The following OLFM3 variants were observed in gnomAD, a reference collection of about 807,000 sequenced individuals.
OLFM3 encodes noelin-3.
A neutral mutation model predicts 48.6 loss-of-function variants in OLFM3; 20 were observed. That is an observed-to-expected ratio of 0.41 (90% CI 0.29 to 0.60). The LOEUF (loss-of-function observed/expected upper bound fraction) is 0.60, where lower values mean the gene tolerates loss of function less well. OLFM3 is among the 20% of genes least tolerant of loss of function. The pLI, the probability that OLFM3 is intolerant of heterozygous loss-of-function variation, is 0.28. For synonymous variants in OLFM3, 222 were observed against 198.1 expected, an observed-to-expected ratio of 1.12 and a Z score of -1.01; for missense variants, 437 against 544.3, an observed-to-expected ratio of 0.80 and a Z score of 1.96.
At chr1:101,848,596 T>C (rs1656104782) in intron 1 of OLFM3, among the ~76,000 whole-genome samples, 1 of 152,132 alleles carries the variant, frequency 6.6e-6, no homozygotes, top group Admixed American at 6.6e-5. Context: ...TTATTACTTT[T>C]CTATTCTTTC....
At chr1:101,883,110 A>G (rs970431756) in intron 1 of OLFM3, among the ~76,000 whole-genome samples, 2 of 151,796 alleles carry the variant, frequency 1.3e-5, no homozygotes, top group Non-Finnish European at 2.9e-5. Flanking sequence ...GGTTACTTCT[A>G]TCAGCCAATC....
chr1:101,826,325 ATTTC>A (rs955721969), intron 3 of OLFM3, among the ~76,000 whole-genome samples: 10 of 151,968 alleles, frequency 6.6e-5, no homozygotes, highest in Admixed American at 2.6e-4. Flanking sequence ...ATAAATAAAT[ATTTC>A]TTTATTTATT....
intron 1 of OLFM3, among the ~76,000 whole-genome samples, chr1:101,878,277 T>G (rs1657381055): frequency 6.6e-6 from 1 of 151,868 alleles, no homozygotes; most frequent in South Asian, 2.1e-4. Context: ...TGCTTCATTT[T>G]TGGATATTGA....
intron 4 of OLFM3, chr1:101,812,270 C>A (rs1374813675): frequency 4.2e-6 from 1 of 240,442 alleles, no homozygotes; most frequent in African/African-American, 2.3e-5. Flanking sequence ...ACCAACATGG[C>A]ACAGGTATAC....
chr1:101,859,351 G>T (rs1417571497), intron 1 of OLFM3, among the ~76,000 whole-genome samples: 1 of 152,068 alleles, frequency 6.6e-6, no homozygotes, highest in Non-Finnish European at 1.5e-5. Flanking sequence ...AGCTGAGAGA[G>T]TAGTTAGGCG....
chr1:101,953,395 G>A (rs992683724), intron 1 of OLFM3, among the ~76,000 whole-genome samples: 36 of 152,130 alleles, frequency 2.4e-4, no homozygotes, highest in Admixed American at 1.6e-3. Flanking sequence ...CACTGGCAGA[G>A]TTGAGTAGTC....
At position 101,901,154 on chromosome 1, in the gene OLFM3, C is replaced by T. The variant is rs189218926; in HGVS notation, c.70-64129G>A. Among the ~76,000 whole-genome samples, 944 of 126,680 alleles carry T rather than the reference C, an allele frequency of 7.5e-3. 5 individuals are homozygous for T. The highest frequency in any genetic ancestry group is 0.012 in the Admixed American group (170 of 14,124). The allele number at this position is 126,680 out of a possible 152,430, so 83.1% of individuals were successfully genotyped here. Reference sequence around the variant, plus strand: ...GACTACTACTGGCTAAGACCAGCACCCCTGCTGGTTTTCTAAGAAGTTTAC... The same window carrying T: ...GACTACTACTGGCTAAGACCAGCACTCCTGCTGGTTTTCTAAGAAGTTTAC... On this transcript the variant is annotated intron_variant, in intron 1 of 5. Transcript: ENST00000370103.
At chr1:101,919,676 TC>T (rs1225772318) in intron 1 of OLFM3, among the ~76,000 whole-genome samples, 1 of 152,224 alleles carries the variant, frequency 6.6e-6, no homozygotes, top group Non-Finnish European at 1.5e-5. Flanking sequence ...CTGTGTTTCT[TC>T]TACTCATCCT....
At chr1:101,894,937 C>A (rs1013386957) in intron 1 of OLFM3, among the ~76,000 whole-genome samples, 2 of 152,076 alleles carry the variant, frequency 1.3e-5, no homozygotes, top group South Asian at 4.2e-4. Context: ...TGAGAGATTT[C>A]TTTGGTTCAC....
intron 1 of OLFM3, among the ~76,000 whole-genome samples, chr1:101,985,562 C>A (rs557659251): frequency 1.3e-5 from 2 of 152,288 alleles, no homozygotes; most frequent in South Asian, 4.1e-4. Flanking sequence ...AGCTAGATAA[C>A]CATCCATCAG....
intron 1 of OLFM3, among the ~76,000 whole-genome samples, chr1:101,941,851 G>C (rs1659805462): frequency 6.6e-6 from 1 of 152,150 alleles, no homozygotes; most frequent in South Asian, 2.1e-4. Context: ...CTGTCAGAAA[G>C]AGTTATCAGA....
At chr1:101,963,926 C>T (rs1660539581) in intron 1 of OLFM3, among the ~76,000 whole-genome samples, 1 of 152,062 alleles carries the variant, frequency 6.6e-6, no homozygotes, top group African/African-American at 2.4e-5. Context: ...CCAAAGATAA[C>T]CATGTGCTAG....
At chr1:101,984,220 C>T (rs1310987510) in intron 1 of OLFM3, among the ~76,000 whole-genome samples, 4 of 47,326 alleles carry the variant, frequency 8.5e-5, no homozygotes, top group African/African-American at 2.6e-4. Context: ...GCCTGGGCAA[C>T]AAAAGGACAA....
chr1:101,928,311 T>A (rs1444148221), intron 1 of OLFM3, among the ~76,000 whole-genome samples: 3 of 152,078 alleles, frequency 2.0e-5, no homozygotes, highest in Admixed American at 2.0e-4. Context: ...ACAAAAAGTG[T>A]GTTCATTATG....
At chr1:101,990,734 C>T (rs1233115752) in intron 1 of OLFM3, among the ~76,000 whole-genome samples, 4 of 151,446 alleles carry the variant, frequency 2.6e-5, no homozygotes, top group Non-Finnish European at 4.4e-5. Context: ...GCCTGTAATC[C>T]CAGCACTTTG....
chr1:101,944,693 A>G (rs1659899829), intron 1 of OLFM3, among the ~76,000 whole-genome samples: 1 of 152,256 alleles, frequency 6.6e-6, no homozygotes, highest in South Asian at 2.1e-4. Context: ...CAGGCTGGTC[A>G]ACATGGCGAA....
At chr1:101,845,396 A>C (rs1655945838) in intron 1 of OLFM3, among the ~76,000 whole-genome samples, 1 of 152,174 alleles carries the variant, frequency 6.6e-6, no homozygotes, top group Non-Finnish European at 1.5e-5. Context: ...AATAAAAAAA[A>C]ACCAAGCCAA....
At chr1:101,855,625 T>C (rs1656383168) in intron 1 of OLFM3, among the ~76,000 whole-genome samples, 2 of 152,068 alleles carry the variant, frequency 1.3e-5, no homozygotes, top group African/African-American at 4.8e-5. Context: ...CTTATTGAGT[T>C]TATCTTTGAA....
chr1:101,939,299 A>G (rs140685635), intron 1 of OLFM3, among the ~76,000 whole-genome samples: 1 of 152,316 alleles, frequency 6.6e-6, no homozygotes, highest in East Asian at 1.9e-4. Flanking sequence ...ATGTGTAGGA[A>G]AGTAAATGGC....
Sources: gnomAD v4.1 joint callset for allele counts (sites outside exome capture counted in the v4.1 genomes callset) on GRCh38, gnomAD v4.1.1 for gene constraint, MANE v1.5 for transcripts, NCBI Gene and HGNC (gene_info 2026-07-23, HGNC 2026-07-21) for gene names.